Variants in SGCZ observed in about 807,000 individuals in gnomAD.
The protein encoded by SGCZ is zeta-sarcoglycan.
A neutral mutation model predicts 41.3 loss-of-function variants in SGCZ; 40 were observed. The ratio of observed to expected loss-of-function variants is 0.97; its 90% CI spans 0.75 to 1.26. The LOEUF is 1.26. Among genes scored for constraint, SGCZ ranks in the 50% most tolerant of loss-of-function variants. SGCZ has a pLI of 0.00. For synonymous variants in SGCZ, 206 were observed against 137.5 expected (o/e 1.50, Z -3.49); for missense variants, 552 against 369.8 (o/e 1.49, Z -4.04).
intron 4 of SGCZ, among the ~76,000 whole-genome samples, chr8:14,208,620 CT>C (rs969473762): frequency 1.7e-4 from 26 of 150,718 alleles, no homozygotes; most frequent in Admixed American, 7.3e-4. Context: ...AGACATTTTT[CT>C]TTTTTTTTGG....
chr8:15,181,884 C>A (rs1800190639), intron 1 of SGCZ, among the ~76,000 whole-genome samples: 1 of 151,966 alleles, frequency 6.6e-6, no homozygotes, highest in Non-Finnish European at 1.5e-5. Context: ...TGAACTTTTC[C>A]TACTCTTCTG....
At chr8:14,590,277 C>G (rs1329542944) in intron 1 of SGCZ, among the ~76,000 whole-genome samples, 1 of 151,834 alleles carries the variant, frequency 6.6e-6, no homozygotes, top group Non-Finnish European at 1.5e-5. Flanking sequence ...TCATAAATTC[C>G]TTAGCACATA....
chr8:14,295,801 G>T (rs1454733392), intron 3 of SGCZ, among the ~76,000 whole-genome samples: 2 of 152,296 alleles, frequency 1.3e-5, no homozygotes, highest in Non-Finnish European at 2.9e-5. Context: ...AGAATTTGGT[G>T]TTGCTCAGGT....
intron 2 of SGCZ, among the ~76,000 whole-genome samples, chr8:14,410,333 G>A (rs1799325561): frequency 6.6e-6 from 1 of 151,414 alleles, no homozygotes; most frequent in Non-Finnish European, 1.5e-5. Context: ...CACATTCTGA[G>A]CATTCTGAGT....
At chr8:14,846,759 C>G (rs1312585396) in intron 1 of SGCZ, among the ~76,000 whole-genome samples, 1 of 142,880 alleles carries the variant, frequency 7.0e-6, no homozygotes, top group East Asian at 2.1e-4. Flanking sequence ...GTGGTCAATT[C>G]AATCACAGAT....
At chr8:14,844,985 T>C (rs1293770169) in intron 1 of SGCZ, among the ~76,000 whole-genome samples, 1 of 152,070 alleles carries the variant, frequency 6.6e-6, no homozygotes, top group African/African-American at 2.4e-5. Flanking sequence ...GCTGAGAGTT[T>C]AGGTGGAAAA....
At chr8:14,870,002 G>A (rs1018934648) in intron 1 of SGCZ, among the ~76,000 whole-genome samples, 7 of 152,076 alleles carry the variant, frequency 4.6e-5, no homozygotes, top group Non-Finnish European at 1.0e-4. Context: ...TGGCCATACT[G>A]CCAAAGTAAT....
At chr8:14,886,011 A>AT (rs1176790432) in intron 1 of SGCZ, among the ~76,000 whole-genome samples, 2 of 120,604 alleles carry the variant, frequency 1.7e-5, no homozygotes, top group East Asian at 5.0e-4. Flanking sequence ...ATATATATAT[A>AT]TATATATATA....
chr8:15,217,638 T>C (rs1801455466), intron 1 of SGCZ, among the ~76,000 whole-genome samples: 1 of 152,176 alleles, frequency 6.6e-6, no homozygotes, highest in Admixed American at 6.5e-5. Context: ...GTGCCTTTTC[T>C]TTGTTTTCCT....
chr8:14,972,133 A>G (rs1040250288), intron 1 of SGCZ, among the ~76,000 whole-genome samples: 4 of 152,132 alleles, frequency 2.6e-5, no homozygotes, highest in South Asian at 2.1e-4. Flanking sequence ...AATGTTTGAT[A>G]GAACTCTTCA....
chr8:14,099,860 G>C (rs767929381), intron 7 of SGCZ, among the ~76,000 whole-genome samples: 16 of 152,034 alleles, frequency 1.1e-4, no homozygotes, highest in Non-Finnish European at 2.4e-4. Flanking sequence ...GACTGAGTCT[G>C]AAATACTTTA....
intron 4 of SGCZ, among the ~76,000 whole-genome samples, chr8:14,178,168 G>A (rs57818049): frequency 0.24 from 36,986 of 151,232 alleles, 6,020 homozygotes; most frequent in African/African-American, 0.46. Context: ...TGGCCAGGCT[G>A]GTCTCGAACT....
rs376111708 is a variant in SGCZ at position 14,533,797 on chromosome 8, A to G, written c.234+20935T>C. The stretch of plus-strand genomic sequence containing the variant: ...CCAAACAAGAATAATTATTAATTTT[A>G]TGTGAAGAGTGATCAGAAAAGTTTT... On this transcript the variant is annotated intron_variant, in intron 2 of 7. Transcript: ENST00000382080. 4.6e-5 allele frequency among the ~76,000 whole-genome samples: 7 copies of G among 152,196 alleles called. No individual in the cohort carries two copies. The East Asian group carries it at 7.7e-4, about 17-fold the overall frequency.
chr8:14,854,535 T>C (rs1388704524), intron 1 of SGCZ, among the ~76,000 whole-genome samples: 2 of 152,150 alleles, frequency 1.3e-5, no homozygotes, highest in African/African-American at 4.8e-5. Context: ...TTTCACATTG[T>C]GTAATATTGT....
At chr8:14,509,248 C>A (rs901119545) in intron 2 of SGCZ, among the ~76,000 whole-genome samples, 1 of 152,042 alleles carries the variant, frequency 6.6e-6, no homozygotes, top group Admixed American at 6.6e-5. Flanking sequence ...GATTGTACAA[C>A]CCTTGTTAAT....
chr8:14,435,513 C>T (rs6530776), intron 2 of SGCZ, among the ~76,000 whole-genome samples: 151,865 of 152,268 alleles, frequency 1, 75,732 homozygotes, highest in Middle Eastern at 1. Context: ...CGATCATATA[C>T]TTATGTTAAA....
intron 1 of SGCZ, among the ~76,000 whole-genome samples, chr8:14,932,502 T>C (rs1029437670): frequency 6.6e-6 from 1 of 151,988 alleles, no homozygotes; most frequent in Non-Finnish European, 1.5e-5. Flanking sequence ...TACTTCAAAT[T>C]TTCCCTTAAT....
At chr8:14,704,611 T>A (rs956304178) in intron 1 of SGCZ, among the ~76,000 whole-genome samples, 1 of 151,970 alleles carries the variant, frequency 6.6e-6, no homozygotes, top group Non-Finnish European at 1.5e-5. Context: ...GCAGTTAATC[T>A]CTCAAAGGCT....
chr8:14,363,711 G>C (rs1950353017), intron 2 of SGCZ, among the ~76,000 whole-genome samples: 1 of 152,128 alleles, frequency 6.6e-6, no homozygotes, highest in South Asian at 2.1e-4. Flanking sequence ...GCAGCTGCTG[G>C]AGTAGATATT....
Sources: allele counts gnomAD v4.1 joint callset (sites outside exome capture counted in the v4.1 genomes callset), GRCh38; gene constraint gnomAD v4.1.1; transcripts MANE v1.5; gene names NCBI Gene and HGNC (gene_info 2026-07-23, HGNC 2026-07-21).